The following LRRC24 variants were observed in gnomAD, a reference collection of about 807,000 sequenced individuals.
The protein encoded by LRRC24 is leucine rich repeat containing 24.
A neutral mutation model predicts 15.3 loss-of-function variants in LRRC24; 19 were observed. The ratio of observed to expected loss-of-function variants is 1.25; its 90% CI spans 0.87 to 1.83. The LOEUF is 1.83. Among genes scored for constraint, LRRC24 ranks in the 40% most tolerant of loss-of-function variants. The probability of loss-of-function intolerance (pLI) is 0.00; values close to 1 mark genes in which losing one functional copy is unlikely to be tolerated. For missense variants in LRRC24, 914 were observed against 723.9 expected (o/e 1.26, Z -3.01); for synonymous variants, 469 against 359.6 (o/e 1.30, Z -3.44).
rs775964541 is a variant in LRRC24 at position 144,524,694 on chromosome 8, ATGT to A, written c.182_184del (p.Asn61del). On this transcript the variant is annotated inframe_deletion, in exon 3 of 5. Transcript: ENST00000529415. ...CAGGGCTCCCGGCTCTAGGCGGGCG[ATGT>A]TGTTGTCCTGCAGGAACAGTGTCTG... 2.2e-5 allele frequency: 33 copies of A among 1,467,536 alleles called. No homozygotes were observed. The highest frequency in any genetic ancestry group is 5.9e-5 in the African/African-American group (4 of 68,090). The allele number at this position is 1,467,536 out of a possible 1,614,324, so 90.9% of individuals were successfully genotyped here. A position where few individuals can be genotyped will look rare whatever the true frequency, so the allele number is the denominator to read the frequency against.
intron 1 of LRRC24, chr8:144,525,752 C>T (rs979569988): frequency 2.0e-5 from 3 of 152,148 alleles, no homozygotes; most frequent in Admixed American, 2.0e-4. Flanking sequence ...TGCCGGTCCC[C>T]AGAAAGGTGT....
rs1316512161 is a variant in LRRC24 at position 144,524,778 on chromosome 8, G to T, written c.159+38C>A. The stretch of plus-strand genomic sequence containing the variant: ...GTTGCGGGGGTCTTCCTCTCCCTGG[G>T]GGCACCCCGTCCTCCCGCAGCTCCA... On this transcript the variant is annotated intron_variant, in intron 2 of 4. Coordinates refer to ENST00000529415, the MANE Select transcript of LRRC24 (RefSeq NM_001024678.4). 2.1e-6 allele frequency: 3 copies of T among 1,435,922 alleles called. No individual in the cohort carries two copies. In the Admixed American group the frequency reaches 8.4e-5, roughly 40 times the overall value. The allele number at this position is 1,435,922 out of a possible 1,614,324, so 88.9% of individuals were successfully genotyped here. A position where few individuals can be genotyped will look rare whatever the true frequency, so the allele number is the denominator to read the frequency against.
At position 144,522,499 on chromosome 8, in the gene LRRC24, C is replaced by G; in HGVS notation, c.1518G>C (p.Pro506=). ...CCTAGCAGTGGATCTCGTAGGCGAC[C>G]GGCGGGGGCACGCGGAGTCCCGGCC... ...GAGPGLRVPP[P]VAYEIHC is the part of the protein sequence containing the mutation. The change falls in exon 5 of 5, where the codon CCG becomes CCC. Residue 506 remains proline, a synonymous_variant. Coordinates refer to ENST00000529415, the MANE Select transcript of LRRC24 (RefSeq NM_001024678.4). The G allele has an allele frequency of 6.7e-7, 1 of 1,493,948 alleles. No homozygotes were observed. The allele number at this position is 1,493,948 out of a possible 1,614,324, so 92.5% of individuals were successfully genotyped here.
Position 144,522,718 on chromosome 8 carries a change from T to C in LRRC24, c.1299A>G (p.Lys433=). ...AMICRRRRRR[K]KARGPPGEGA... The stretch of plus-strand genomic sequence containing the variant: ...CCTCCCCCGGAGGCCCCCGCGCCTT[T>C]TTTCGCCTGCGGCGCCGGCGACAGA... The change falls in exon 5 of 5, where the codon AAA becomes AAG. Residue 433 remains lysine, a synonymous_variant. Coordinates refer to ENST00000529415, the MANE Select transcript of LRRC24 (RefSeq NM_001024678.4). The C allele has an allele frequency of 6.3e-7, 1 of 1,595,824 alleles. No homozygotes were observed. The highest frequency in any genetic ancestry group is 8.5e-7 in the Non-Finnish European group (1 of 1,172,374).
intron 1 of LRRC24, 100 bp from the exon 2 acceptor site, chr8:144,525,133 G>A (rs981221074): frequency 2.0e-5 from 14 of 712,782 alleles, no homozygotes; most frequent in Non-Finnish European, 2.6e-5. Context: ...CTATAAATAG[G>A]TTCAAGAAAC....
Position 144,524,254 on chromosome 8 carries a change from C to A in LRRC24, c.463G>T (p.Glu155Ter). 1 of 1,612,482 alleles carries A rather than the reference C, an allele frequency of 6.2e-7. No homozygotes were observed. The highest frequency in any genetic ancestry group is 1.1e-5 in the South Asian group (1 of 91,084). ...LPRLQELHLQ[E>*]NSIELLEDQA... is the part of the protein sequence containing the mutation. ...TCCTCCAGCAGCTCAATGCTGTTTT[C>A]TTGCAGGTGAAGCTCCTGCAGTCGC... Residue 155 changes from glutamate to a stop codon, truncating the protein, a stop_gained, in exon 4 of 5, where the codon GAA becomes TAA. Transcript: ENST00000529415. LOFTEE classifies it high-confidence loss of function.
At chr8:144,526,149 A>G (rs927110487) in intron 1 of LRRC24, 1 of 152,240 alleles carries the variant, frequency 6.6e-6, no homozygotes, top group African/African-American at 2.4e-5. Flanking sequence ...GACAGGACCA[A>G]GTGGCCTTGG....
chr8:144,524,720 C>T lies in LRRC24; in HGVS notation c.160-1G>A. On this transcript the variant is annotated splice_acceptor_variant, in intron 2 of 4. Transcript: ENST00000529415. LOFTEE classifies it high-confidence loss of function. ...TGTTGTTGTCCTGCAGGAACAGTGT[C>T]TGCAGGCCGGGGAAAGAGGAGGCGC... The T allele has an allele frequency of 6.9e-7, 1 of 1,448,894 alleles. No homozygotes were observed. Among genetic ancestry groups the T allele is most frequent in the Non-Finnish European group, 9.0e-7 (1 of 1,108,314 alleles). The allele number at this position is 1,448,894 out of a possible 1,614,324, so 89.8% of individuals were successfully genotyped here. A position where few individuals can be genotyped will look rare whatever the true frequency, so the allele number is the denominator to read the frequency against.
In LRRC24 at chr8:144,523,008, G is replaced by T; in HGVS notation, c.1009C>A (p.Leu337Met). Reference protein sequence around the residue: ...SGMLFLSNITLAHAGKYECEA... With the variant: ...SGMLFLSNITMAHAGKYECEA... Reference sequence around the variant, plus strand: ...CACTCGTACTTACCGGCGTGCGCCAGCGTGATGTTGCTGAGGAAGAGCATG... The same window carrying T: ...CACTCGTACTTACCGGCGTGCGCCATCGTGATGTTGCTGAGGAAGAGCATG... Residue 337 changes from leucine to methionine, a missense_variant, in exon 5 of 5, where the codon CTG (leucine) becomes ATG (methionine). Transcript: ENST00000529415. The T allele has an allele frequency of 6.3e-7, 1 of 1,596,906 alleles. No homozygotes were observed. Among genetic ancestry groups the T allele is most frequent in the South Asian group, 1.1e-5 (1 of 90,376 alleles).
At chr8:144,524,354 A>T in intron 3 of LRRC24, 76 bp from the exon 4 acceptor site, 1 of 1,595,818 alleles carries the variant, frequency 6.3e-7, no homozygotes, top group South Asian at 1.1e-5. Flanking sequence ...ACCAAGCTAG[A>T]CTGGGTTGCC....
chr8:144,525,792 G>A (rs1178868158), intron 1 of LRRC24: 1 of 152,214 alleles, frequency 6.6e-6, no homozygotes, highest in African/African-American at 2.4e-5. Flanking sequence ...GGGGCCCTGG[G>A]AAAGCTGGGG....
chr8:144,523,449 T>C (rs371869345), intron 4 of LRRC24, 40 bp from the exon 5 acceptor site: 70 of 1,502,574 alleles, frequency 4.7e-5, no homozygotes, highest in Non-Finnish European at 5.7e-5. Context: ...TTGAGGGTGC[T>C]GCTAAAACAG....
chr8:144,525,667 T>C (rs1029681087), intron 1 of LRRC24: 1 of 152,196 alleles, frequency 6.6e-6, no homozygotes, highest in African/African-American at 2.4e-5. Flanking sequence ...TTTTCTCAGG[T>C]AACCTGTCAG....
At position 144,522,698 on chromosome 8, in the gene LRRC24, C is replaced by A. The variant is rs750273850; in HGVS notation, c.1319G>T (p.Gly440Val). Residue 440 changes from glycine to valine, a missense_variant, in exon 5 of 5, where the codon GGG (glycine) becomes GTG (valine). Coordinates refer to ENST00000529415, the MANE Select transcript of LRRC24 (RefSeq NM_001024678.4). The part of the protein sequence containing the change: ...RRRKKARGPP[G>V]EGALFVNDYL... ...GTCGTTGACGAACAGCGCTCCCTCC[C>A]CCGGAGGCCCCCGCGCCTTTTTTCG... 4 of 1,595,766 alleles carry A rather than the reference C, an allele frequency of 2.5e-6. No individual in the cohort carries two copies. The highest frequency in any genetic ancestry group is 3.4e-6 in the Non-Finnish European group (4 of 1,172,380).
chr8:144,525,735 C>G (rs1204184492), intron 1 of LRRC24: 2 of 152,164 alleles, frequency 1.3e-5, no homozygotes, highest in African/African-American at 4.8e-5. Flanking sequence ...TGGGTCTGTG[C>G]TTCCCATGCC....
chr8:144,522,571 C>G lies in LRRC24; in HGVS notation c.1446G>C (p.Glu482Asp), dbSNP rs778487549. Residue 482 changes from glutamate to aspartate, a missense_variant, in exon 5 of 5, where the codon GAG becomes GAC. Coordinates refer to ENST00000529415, the MANE Select transcript of LRRC24 (RefSeq NM_001024678.4). ...AGTCAGCGGGCGCCTCCGCCGGACCCTCGGCGAAGAGCGGCTTGGAGCGGT... is the reference window on the plus strand; with the variant it reads ...AGTCAGCGGGCGCCTCCGCCGGACCGTCGGCGAAGAGCGGCTTGGAGCGGT... ...VINRSKPLFA[E>D]GPAEAPADCG... 3 of 1,554,458 alleles carry G rather than the reference C, an allele frequency of 1.9e-6. No homozygotes were observed. The highest frequency in any genetic ancestry group is 1.9e-5 in the Admixed American group (1 of 52,698).
chr8:144,524,762 G>T (rs1049631981), intron 2 of LRRC24, 43 bp from the exon 3 acceptor site: 69 of 1,434,276 alleles, frequency 4.8e-5, no homozygotes, highest in Non-Finnish European at 6.1e-5. Context: ...CGTTGCGGGG[G>T]TCTTCCTCTC....
In LRRC24 at chr8:144,523,800, C is replaced by T. The variant is rs1586855336; in HGVS notation, c.607+310G>A. 1.8e-5 allele frequency: 8 copies of T among 451,888 alleles called. No homozygotes were observed. The East Asian group carries it at 3.0e-4, about 17-fold the overall frequency. 28.0% of individuals were successfully genotyped at this position (451,888 alleles called of 1,614,324 possible). A position where few individuals can be genotyped will look rare whatever the true frequency, so the allele number is the denominator to read the frequency against. ...TTGGATGCCCTCTCTTGGGAATGTC[C>T]CCAGTCCTGGTCAGCTGTCTCTCTC... On this transcript the variant is annotated intron_variant, in intron 4 of 4. Coordinates refer to ENST00000529415, the MANE Select transcript of LRRC24 (RefSeq NM_001024678.4).
intron 4 of LRRC24, chr8:144,523,817 GTCTC>G (rs1816232849): frequency 2.1e-6 from 1 of 472,702 alleles, no homozygotes; most frequent in Non-Finnish European, 3.7e-6. Context: ...CTGGTCAGCT[GTCTC>G]TCTCCTTTGC....
Sources: gnomAD v4.1 joint callset for allele counts on GRCh38, gnomAD v4.1.1 for gene constraint, MANE v1.5 for transcripts, NCBI Gene and HGNC (gene_info 2026-07-23, HGNC 2026-07-21) for gene names.